The following EBP variants were observed in gnomAD, a reference collection of about 807,000 sequenced individuals.
EBP encodes EBP cholestenol delta-isomerase.
A neutral mutation model predicts 14.1 loss-of-function variants in EBP; 1 was observed. The ratio of observed to expected loss-of-function variants is 0.07; its 90% CI spans 0.03 to 0.34. The LOEUF is 0.34. Among genes scored for constraint, EBP ranks in the 10% least tolerant of loss-of-function variants. The pLI, the probability that EBP is intolerant of heterozygous loss-of-function variation, is 0.99. For missense variants in EBP, 123 were observed against 184.6 expected (o/e 0.67, Z 1.93); for synonymous variants, 72 against 77.7 (o/e 0.93, Z 0.38).
chrX:48,523,234 G>C (rs113175910), intron 1 of EBP, among the ~76,000 whole-genome samples: 3,955 of 111,845 alleles, frequency 0.035, 176 homozygotes, highest in African/African-American at 0.12. Flanking sequence ...TACCTGCCAC[G>C]GTGCCTGGCC....
chrX:48,526,628 G>A (rs2061780014), intron 2 of EBP, among the ~76,000 whole-genome samples: 1 of 111,726 alleles, frequency 9.0e-6, no homozygotes, highest in Non-Finnish European at 1.9e-5. Context: ...CATCGTGCCC[G>A]GCGGTCTTTT....
chrX:48,523,821 G>A lies in EBP; in HGVS notation c.50G>A (p.Arg17Lys). 29 of 1,206,935 alleles carry A rather than the reference G, an allele frequency of 2.4e-5. No individual in the cohort carries two copies. The highest frequency in any genetic ancestry group is 3.2e-5 in the Non-Finnish European group (29 of 894,142). The change falls in exon 2 of 5, where the codon AGA becomes AAA. Residue 17 changes from arginine (R) to lysine (K), a missense_variant. Transcript: ENST00000495186. ...PLHPYWPQHL[R>K]LDNFVPNDRP... ...CACCCATACTGGCCTCAGCACCTAA[G>A]ACTGGACAACTTTGTACCTAATGAC...
chrX:48,522,545 A>G (rs1281732619), intron 1 of EBP, among the ~76,000 whole-genome samples: 2 of 112,083 alleles, frequency 1.8e-5, no homozygotes, highest in Non-Finnish European at 3.8e-5. Flanking sequence ...TGTGCCTCCC[A>G]CCAGACTTTG....
chrX:48,527,163 A>C lies in EBP; in HGVS notation c.347A>C (p.Asn116Thr). 8.3e-7 allele frequency: 1 copy of C among 1,211,710 alleles called. No individual in the cohort carries two copies. The highest frequency in any genetic ancestry group is 1.1e-6 in the Non-Finnish European group (1 of 895,497). Residue 116 changes from asparagine (N) to threonine (T), a missense_variant, in exon 4 of 5, where the codon AAC becomes ACC. Asn to Thr is a moderately conservative substitution (Grantham distance 65). Coordinates refer to ENST00000495186, the MANE Select transcript of EBP (RefSeq NM_006579.3). ...KGDSRYILGD[N>T]FTVCMETITA... ...CATGCTTTCTCCTGCAGGGGTGACAACTTCACAGTGTGCATGGAAACCATC... is the reference window on the plus strand; with the variant it reads ...CATGCTTTCTCCTGCAGGGGTGACACCTTCACAGTGTGCATGGAAACCATC...
rs3048 is a variant in EBP, at chrX:48,523,786, G to T, written c.15G>T (p.Ala5=). The T allele has an allele frequency of 0.34, 402,999 of 1,195,442 alleles. 47,684 individuals are homozygous for T. The highest frequency in any genetic ancestry group is 0.43 in the East Asian group (14,360 of 33,224). Residue 5 remains alanine, a synonymous_variant, in exon 2 of 5, where the codon GCG becomes GCT. Coordinates refer to ENST00000495186, the MANE Select transcript of EBP (RefSeq NM_006579.3). MTTN[A]GPLHPYWPQH... ...CCCACAAAGACATGACTACCAACGC[G>T]GGCCCCTTGCACCCATACTGGCCTC...
At chrX:48,523,587 G>T (rs991413939) in intron 1 of EBP, 112 bp from the exon 2 acceptor site, 4 of 422,220 alleles carry the variant, frequency 9.5e-6, no homozygotes, top group Admixed American at 8.5e-5. Flanking sequence ...GTAATTAGAA[G>T]TGTTACAATC....
At chrX:48,527,410 T>A in intron 4 of EBP, 125 bp downstream of exon 4, 1 of 1,064,654 alleles carries the variant, frequency 9.4e-7, no homozygotes. Context: ...TCAGACTGAA[T>A]GACAAACCCC....
intron 4 of EBP, 82 bp downstream of exon 4, chrX:48,527,367 G>A: frequency 8.4e-7 from 1 of 1,190,947 alleles, no homozygotes; most frequent in Admixed American, 2.2e-5. Context: ...CCCTGTGGGT[G>A]GGATCTCTCA....
chrX:48,522,107 T>C, intron 1 of EBP, 200 bp downstream of exon 1: 1 of 104,195 alleles, frequency 9.6e-6, no homozygotes, highest in Non-Finnish European at 1.9e-5. Flanking sequence ...GACTGGAGGG[T>C]TCTGGTTCGG....
In EBP at chrX:48,526,752, C is replaced by T. The variant is rs913502677; in HGVS notation, c.302-237C>T. ...TCTACACCTGCTTCCTTTTATACCA[C>T]ACACACTTCTTGAGTACCAATCACA... On this transcript the variant is annotated intron_variant, in intron 2 of 4. Transcript: ENST00000495186. The T allele has an allele frequency of 6.7e-6, 3 of 444,886 alleles. No homozygotes were observed. The African/African-American group carries it at 7.3e-5, about 11-fold the overall frequency. The allele number at this position is 444,886 out of a possible 1,213,427, so 36.7% of individuals were successfully genotyped here. A position where few individuals can be genotyped will look rare whatever the true frequency, so the allele number is the denominator to read the frequency against.
chrX:48,524,020 C>G lies in EBP; in HGVS notation c.249C>G (p.Phe83Leu). 3.3e-6 allele frequency: 4 copies of G among 1,211,368 alleles called. No individual in the cohort carries two copies. The highest frequency in any genetic ancestry group is 3.4e-6 in the Non-Finnish European group (3 of 895,484). The change falls in exon 2 of 5, where the codon TTC (phenylalanine) becomes TTG (leucine). Residue 83 changes from phenylalanine (F) to leucine (L), a missense_variant. Coordinates refer to ENST00000495186, the MANE Select transcript of EBP (RefSeq NM_006579.3). ...TTCACCTGGTGATCGAGGGCTGGTT[C>G]GTTCTCTACTACGAAGACCTGCTTG... The part of the protein sequence containing the change: ...GFIHLVIEGW[F>L]VLYYEDLLGD...
At chrX:48,527,645 A>C in intron 4 of EBP, 1 of 254,520 alleles carries the variant, frequency 3.9e-6, no homozygotes, top group Non-Finnish European at 7.2e-6. Flanking sequence ...TGGCTCTGTC[A>C]CCCAGGCCAG....
At chrX:48,524,126 C>G (rs188182013) in intron 2 of EBP, 54 bp downstream of exon 2, 8 of 1,092,201 alleles carry the variant, frequency 7.3e-6, no homozygotes, top group Middle Eastern at 2.6e-4. Flanking sequence ...GGGCAGGGAT[C>G]GGCTTGCATG....
At chrX:48,525,678 T>C (rs2061776729) in intron 2 of EBP, among the ~76,000 whole-genome samples, 1 of 109,755 alleles carries the variant, frequency 9.1e-6, no homozygotes. Context: ...CGCACCCAGC[T>C]GCTTTTTTTA....
intron 2 of EBP, 127 bp from the exon 3 acceptor site, chrX:48,526,852 TACCCCATTTC>T (rs1556977511): frequency 1.5e-6 from 1 of 679,054 alleles, no homozygotes; most frequent in Non-Finnish European, 2.4e-6. Context: ...TCCAAACAGT[TACCCCATTTC>T]ACGGATGAGG....
Position 48,523,809 on chromosome X carries a change from C to G in EBP, c.38C>G (p.Pro13Arg), listed in dbSNP as rs150034611. 164 of 1,205,503 alleles carry G rather than the reference C, an allele frequency of 1.4e-4. No homozygotes were observed. Among genetic ancestry groups the G allele is most frequent in the Non-Finnish European group, 1.7e-4 (155 of 893,858 alleles). The change falls in exon 2 of 5, where the codon CCT becomes CGT. Residue 13 changes from proline (P) to arginine (R), a missense_variant. Pro to Arg is a moderately radical substitution (Grantham distance 103, BLOSUM62 -2). Transcript: ENST00000495186. The stretch of plus-strand genomic sequence containing the variant: ...GCGGGCCCCTTGCACCCATACTGGC[C>G]TCAGCACCTAAGACTGGACAACTTT... ...TNAGPLHPYW[P>R]QHLRLDNFVP...
intron 1 of EBP, among the ~76,000 whole-genome samples, chrX:48,523,368 C>T (rs1556976900): frequency 9.1e-6 from 1 of 110,487 alleles, no homozygotes; most frequent in Non-Finnish European, 1.9e-5. Context: ...TCCTGGCTAA[C>T]ACGGTGAAAC....
At position 48,523,711 on chromosome X, in the gene EBP, CTTTTTTT is replaced by C; in HGVS notation, c.-49_-43del. On this transcript the variant is annotated 5_prime_UTR_variant, in exon 2 of 5. Transcript: ENST00000495186. The stretch of plus-strand genomic sequence containing the variant: ...TCTATTTGTCCAGGTTTTTCTGTTC[CTTTTTTT>C]TTTTTTTTTTTAACTTCCTGCCTAT... The C allele has an allele frequency of 3.5e-6, 3 of 864,885 alleles. No individual in the cohort carries two copies. The highest frequency in any genetic ancestry group is 3.7e-5 in the East Asian group (1 of 27,340). 71.3% of individuals were successfully genotyped at this position (864,885 alleles called of 1,213,427 possible).
chrX:48,527,109 G>A, intron 3 of EBP, 46 bp from the exon 4 acceptor site: 1 of 1,211,993 alleles, frequency 8.3e-7, no homozygotes, highest in Non-Finnish European at 1.1e-6. Context: ...CTAACCTGTA[G>A]GAAGAGCACA....
Sources: allele counts gnomAD v4.1 joint callset (sites outside exome capture counted in the v4.1 genomes callset), GRCh38; gene constraint gnomAD v4.1.1; transcripts MANE v1.5; gene names NCBI Gene and HGNC (gene_info 2026-07-23, HGNC 2026-07-21).